RFTN1: variants seen among roughly 807,000 people sequenced by gnomAD.
RFTN1 encodes the protein raftlin.
In RFTN1, 26 loss-of-function variants were observed where a neutral mutation model predicts 46.5. The ratio of observed to expected loss-of-function variants is 0.56; its 90% confidence interval spans 0.41 to 0.78. RFTN1 has a LOEUF of 0.78. Ranked by LOEUF, RFTN1 falls within the 30% of genes least tolerant of loss-of-function variation. RFTN1 has a pLI of 0.00. For missense variants in RFTN1, 693 were observed against 718.7 expected, an observed-to-expected ratio of 0.96 and a Z score of 0.41; for synonymous variants, 261 against 284.2, an observed-to-expected ratio of 0.92 and a Z score of 0.82.
chr3:16,317,083 A>G lies in RFTN1; in HGVS notation c.1482T>C (p.Cys494=). 3.1e-6 allele frequency: 5 copies of G among 1,613,708 alleles called. No homozygotes were observed. The highest frequency in any genetic ancestry group is 3.4e-6 in the Non-Finnish European group (4 of 1,179,956). ...CACCCTCCTGCTGCTGTCCTGAAAC[A>G]CAGTTTCCCATGTCTCCAGCTTTGG... ...QSSKAGDMGN[C]VSGQQQEGGV... is the part of the protein sequence containing the mutation. The change falls in exon 10 of 10, where the codon TGT becomes TGC. Residue 494 remains cysteine, a synonymous_variant. Transcript: ENST00000334133. The surrounding 1 kb of genome is among the most constrained non-coding windows in gnomAD (Gnocchi z 4.3).
intron 7 of RFTN1, chr3:16,339,768 A>T (rs2071187448): frequency 6.6e-6 from 1 of 152,188 alleles, no homozygotes; most frequent in Non-Finnish European, 1.5e-5. Flanking sequence ...AAACTCCACA[A>T]AGGCAAGGAG....
chr3:16,453,329 G>A (rs142877059), intron 2 of RFTN1, among the ~76,000 whole-genome samples: 330 of 152,326 alleles, frequency 2.2e-3, no homozygotes, highest in African/African-American at 7.0e-3. Flanking sequence ...TGGCTAAAGA[G>A]ACATAGCAGT....
chr3:16,469,612 C>A (rs768690198), intron 2 of RFTN1, among the ~76,000 whole-genome samples: 4 of 152,170 alleles, frequency 2.6e-5, no homozygotes, highest in African/African-American at 9.7e-5. Context: ...CATGGTAGGG[C>A]GTGCTCCACA....
chr3:16,358,013 G>T lies in RFTN1; in HGVS notation c.1065C>A (p.Ile355=). ...SLHGLTDGVF[I]FEAVSTEDSK... is the part of the protein sequence containing the mutation. ...TATCTTCTGTGGAAACAGCTTCAAA[G>T]ATGAATACTCCATCTGTCAAGCCAT... Residue 355 remains isoleucine (I), a synonymous_variant, in exon 7 of 10, where the codon ATC becomes ATA. Transcript: ENST00000334133. The T allele has an allele frequency of 5.3e-6, 8 of 1,504,144 alleles. No individual in the cohort carries two copies. The highest frequency in any genetic ancestry group is 7.2e-6 in the Non-Finnish European group (8 of 1,114,696). 93.2% of individuals were successfully genotyped at this position (1,504,144 alleles called of 1,614,324 possible). A position where few individuals can be genotyped will look rare whatever the true frequency, so the allele number is the denominator to read the frequency against.
chr3:16,430,945 C>G (rs995769585), intron 3 of RFTN1, among the ~76,000 whole-genome samples: 2 of 152,186 alleles, frequency 1.3e-5, no homozygotes, highest in African/African-American at 4.8e-5. Flanking sequence ...CTACTGAGCC[C>G]CCAGCTTCAC....
Position 16,316,843 on chromosome 3 carries a change from C to A in RFTN1, c.1722G>T (p.Thr574=). 1 of 1,613,982 alleles carries A rather than the reference C, an allele frequency of 6.2e-7. No individual in the cohort carries two copies. Among genetic ancestry groups the A allele is most frequent in the East Asian group, 2.2e-5 (1 of 44,880 alleles). The stretch of plus-strand genomic sequence containing the variant: ...TGCCCAAGACTCAGTTTTCTTCAAC[C>A]GTACCAAGCTCTCTGACTTCCTCAG... The part of the protein sequence containing the change: ...GDAEEVRELG[T]VEEN The change falls in exon 10 of 10, where the codon ACG becomes ACT. Residue 574 remains threonine (T), a synonymous_variant. Transcript: ENST00000334133. This position sits in a 1 kb window ranked among gnomAD's most constrained non-coding sequence, Gnocchi z 4.5.
intron 4 of RFTN1, among the ~76,000 whole-genome samples, chr3:16,403,690 A>T (rs868640625): frequency 4.8e-4 from 8 of 16,596 alleles, no homozygotes; most frequent in African/African-American, 1.8e-3. Context: ...ATATATATAT[A>T]ATATATATTT....
rs1575395993 is a variant in RFTN1, at chr3:16,512,461, C to G, written c.-9+981G>C. Among the ~76,000 whole-genome samples the G allele has an allele frequency of 6.6e-6, 1 of 151,966 alleles. No individual in the cohort carries two copies. The highest frequency in any genetic ancestry group is 1.5e-5 in the Non-Finnish European group (1 of 68,008). ...TTCTTGTTTGTTTGTTTTAAGCCCCCGAAGAAACTCACTGACACCACCCAG... is the reference window on the plus strand; with the variant it reads ...TTCTTGTTTGTTTGTTTTAAGCCCCGGAAGAAACTCACTGACACCACCCAG... On this transcript the variant is annotated intron_variant, in intron 1 of 9. Transcript: ENST00000334133. The surrounding 1 kb of genome is among the most constrained non-coding windows in gnomAD (Gnocchi z 4.3).
chr3:16,403,819 T>TA (rs368791268), intron 4 of RFTN1, among the ~76,000 whole-genome samples: 217 of 6,260 alleles, frequency 0.035, 23 homozygotes, highest in Non-Finnish European at 0.036. Flanking sequence ...ATATTTTATA[T>TA]TATATTTATA....
intron 4 of RFTN1, among the ~76,000 whole-genome samples, chr3:16,397,084 AAAGAG>A (rs565651260): frequency 2.2e-3 from 339 of 151,858 alleles, no homozygotes; most frequent in African/African-American, 5.8e-3. Flanking sequence ...AAAAAAAAAA[AAAGAG>A]AGAGAGAAGA....
In RFTN1 at chr3:16,475,032, C is replaced by G. The variant is rs1342920642; in HGVS notation, c.145+18693G>C. 6.6e-6 allele frequency among the ~76,000 whole-genome samples: 1 copy of G among 152,172 alleles called. No homozygotes were observed. Among genetic ancestry groups the G allele is most frequent in the Non-Finnish European group, 1.5e-5 (1 of 68,030 alleles). ...ATAGGGGCGGATCCCTCACGAAAGG[C>G]TTGCTGTCCTCCTTCGAGGTAATGA... On this transcript the variant is annotated intron_variant, in intron 2 of 9. Transcript: ENST00000334133. This position sits in a 1 kb window ranked among gnomAD's most constrained non-coding sequence, Gnocchi z 4.2.
chr3:16,493,800 T>C lies in RFTN1; in HGVS notation c.70A>G (p.Lys24Glu). 1 of 1,614,130 alleles carries C rather than the reference T, an allele frequency of 6.2e-7. No homozygotes were observed. Among genetic ancestry groups the C allele is most frequent in the Non-Finnish European group, 8.5e-7 (1 of 1,180,022 alleles). The stretch of plus-strand genomic sequence containing the variant: ...ATCTTGGTTTCCACCTGAGGCCTCT[T>C]CAAAGTTGAATAAATATTCCCAGGC... ...KRPGNIYSTLKRPQVETKIDV... is the reference protein window; with the variant it reads ...KRPGNIYSTLERPQVETKIDV... The change falls in exon 2 of 10, where the codon AAG becomes GAG. Residue 24 changes from lysine (K) to glutamate (E), a missense_variant. Transcript: ENST00000334133.
rs1352423209 is a variant in RFTN1, at chr3:16,329,740, G to A, written c.1147-2864C>T. On this transcript the variant is annotated intron_variant, in intron 7 of 9. Transcript: ENST00000334133. The surrounding 1 kb of genome is among the most constrained non-coding windows in gnomAD (Gnocchi z 4.5). ...AGCTTTGCGAGGTTATGATTACTTG[G>A]GCCTATCAAGAATAACCTTCCCACT... Among the ~76,000 whole-genome samples, 6 of 152,174 alleles carry A rather than the reference G, an allele frequency of 3.9e-5. No individual in the cohort carries two copies. Among genetic ancestry groups the A allele is most frequent in the African/African-American group, 7.2e-5 (3 of 41,510 alleles).
rs773793550 is a variant in RFTN1, at chr3:16,451,331, A to G, written c.146-17294T>C. On this transcript the variant is annotated intron_variant, in intron 2 of 9. Transcript: ENST00000334133. This position sits in a 1 kb window ranked among gnomAD's most constrained non-coding sequence, Gnocchi z 4.2. ...ATCCCCCAAAGCCTTCATTCCTTCC[A>G]GGACACATGGTAGATGCCCCTGCAT... Among the ~76,000 whole-genome samples, 65 of 152,302 alleles carry G rather than the reference A, an allele frequency of 4.3e-4. No homozygotes were observed. Among genetic ancestry groups the G allele is most frequent in the Admixed American group, 1.2e-3 (19 of 15,304 alleles).
At chr3:16,432,199 T>G (rs1366481756) in intron 3 of RFTN1, among the ~76,000 whole-genome samples, 1 of 152,130 alleles carries the variant, frequency 6.6e-6, no homozygotes, top group Non-Finnish European at 1.5e-5. Context: ...ACCCAGATAA[T>G]GATCAACAGC....
intron 3 of RFTN1, among the ~76,000 whole-genome samples, chr3:16,430,496 A>G (rs751693813): frequency 1.6e-4 from 24 of 152,282 alleles, no homozygotes; most frequent in Non-Finnish European, 2.9e-4. Flanking sequence ...TGCATTTGCT[A>G]GGAGAGAAAA....
At chr3:16,505,382 G>T (rs545567954) in intron 1 of RFTN1, among the ~76,000 whole-genome samples, 1 of 152,072 alleles carries the variant, frequency 6.6e-6, no homozygotes, top group Admixed American at 6.5e-5. Context: ...TTCCTTTCCC[G>T]TACCTCTCAT....
In RFTN1 at chr3:16,317,020, G is replaced by C. The variant is rs372593662; in HGVS notation, c.1545C>G (p.Asp515Glu). 3.5e-5 allele frequency: 56 copies of C among 1,613,572 alleles called. No homozygotes were observed. Among genetic ancestry groups the C allele is most frequent in the Non-Finnish European group, 4.7e-5 (55 of 1,179,888 alleles). ...SEEMKGPVQEDKGEQLSPGGL... is the reference protein window; with the variant it reads ...SEEMKGPVQEEKGEQLSPGGL... ...CACCAGGGGACAGCTGTTCTCCCTT[G>C]TCCTCTTGGACAGGGCCCTTCATCT... Residue 515 changes from aspartate to glutamate, a missense_variant, in exon 10 of 10, where the codon GAC becomes GAG. Asp to Glu is a conservative substitution (Grantham distance 45, BLOSUM62 2). Coordinates refer to ENST00000334133, the MANE Select transcript of RFTN1 (RefSeq NM_015150.2). This position sits in a 1 kb window ranked among gnomAD's most constrained non-coding sequence, Gnocchi z 4.3.
Position 16,484,790 on chromosome 3 carries a change from C to T in RFTN1, c.145+8935G>A, listed in dbSNP as rs2076421729. On this transcript the variant is annotated intron_variant, in intron 2 of 9. Coordinates refer to ENST00000334133, the MANE Select transcript of RFTN1 (RefSeq NM_015150.2). This position sits in a 1 kb window ranked among gnomAD's most constrained non-coding sequence, Gnocchi z 4.6. ...GCTGTTCAGTAAAACTACAAGATAT[C>T]CTGCAAAGCTCCAAGTGCTTGGTGG... 1 of 152,214 alleles carries T rather than the reference C, an allele frequency of 6.6e-6. No individual in the cohort carries two copies. Among genetic ancestry groups the T allele is most frequent in the Non-Finnish European group, 1.5e-5 (1 of 68,036 alleles). The allele number at this position is 152,214 out of a possible 1,614,324, so 9.4% of individuals were successfully genotyped here.
Sources: gnomAD v4.1 joint callset for allele counts (sites outside exome capture counted in the v4.1 genomes callset) on GRCh38, gnomAD v4.1.1 for gene constraint, Gnocchi (gnomAD v3.1) non-coding constraint, MANE v1.5 for transcripts, NCBI Gene and HGNC (gene_info 2026-07-23, HGNC 2026-07-21) for gene names.